The following RCBTB2 variants were observed in gnomAD, a reference collection of about 807,000 sequenced individuals.
RCBTB2 encodes the protein RCC1 and BTB domain-containing protein 2.
RCBTB2 carries 55 observed loss-of-function variants against 65.4 expected under a neutral mutation model. That is an observed-to-expected ratio of 0.84 (90% CI 0.68 to 1.05). The LOEUF (loss-of-function observed/expected upper bound fraction) is 1.05, where lower values mean the gene tolerates loss of function less well. RCBTB2 is among the 50% of genes least tolerant of loss of function. The pLI, the probability that RCBTB2 is intolerant of heterozygous loss-of-function variation, is 0.00. For missense variants in RCBTB2, 599 were observed against 680.1 expected, an observed-to-expected ratio of 0.88 and a Z score of 1.33; for synonymous variants, 220 against 255.2, an observed-to-expected ratio of 0.86 and a Z score of 1.31.
rs1248264384 is a variant in RCBTB2 at position 48,499,771 on chromosome 13, A to G, written c.1245-11T>C. The G allele has an allele frequency of 6.2e-7, 1 of 1,614,104 alleles. No homozygotes were observed. Among genetic ancestry groups the G allele is most frequent in the Non-Finnish European group, 8.5e-7 (1 of 1,179,964 alleles). On this transcript the variant is annotated splice_polypyrimidine_tract_variant and intron_variant, in intron 12 of 14. Coordinates refer to ENST00000344532, the MANE Select transcript of RCBTB2 (RefSeq NM_001268.4). The stretch of plus-strand genomic sequence containing the variant: ...CGAAAATGCTCACATCTGAAGGAAA[A>G]AAGCAGTATGTCAGGTCCTAGCTTC...
At chr13:48,496,427 C>T in intron 13 of RCBTB2, 106 bp from the exon 14 acceptor site, 1 of 1,197,340 alleles carries the variant, frequency 8.4e-7, no homozygotes, top group Non-Finnish European at 1.1e-6. Flanking sequence ...TAGATATAAT[C>T]CTCAGTGAAG....
intron 14 of RCBTB2, chr13:48,491,600 A>C (rs937647421): frequency 6.6e-6 from 1 of 152,202 alleles, no homozygotes. Context: ...CCAGATAGAG[A>C]TGCATCATCT....
rs180677663 is a variant in RCBTB2 at position 48,524,708 on chromosome 13, G to A, written c.-169C>T. On this transcript the variant is annotated 5_prime_UTR_variant, in exon 2 of 15. Coordinates refer to ENST00000344532, the MANE Select transcript of RCBTB2 (RefSeq NM_001268.4). ...CCAGTATTCAGTCATCTTTAATCCTGTTCCTTTTAGATCCTTGTAAAGTTG... is the reference window on the plus strand; with the variant it reads ...CCAGTATTCAGTCATCTTTAATCCTATTCCTTTTAGATCCTTGTAAAGTTG... The A allele has an allele frequency of 1.2e-3, 184 of 152,210 alleles. No homozygotes were observed. The highest frequency in any genetic ancestry group is 4.1e-3 in the African/African-American group (169 of 41,540). The allele number at this position is 152,210 out of a possible 1,614,324, so 9.4% of individuals were successfully genotyped here. A position where few individuals can be genotyped will look rare whatever the true frequency, so the allele number is the denominator to read the frequency against.
chr13:48,500,506 C>T (rs111250183), intron 12 of RCBTB2, among the ~76,000 whole-genome samples: 4 of 151,968 alleles, frequency 2.6e-5, no homozygotes, highest in Admixed American at 6.6e-5. Flanking sequence ...TGCAGTGAGC[C>T]GAGATCAGGC....
intron 7 of RCBTB2, 68 bp downstream of exon 7, chr13:48,512,660 AG>A (rs2138544209): frequency 8.0e-7 from 1 of 1,248,442 alleles, no homozygotes; most frequent in African/African-American, 1.5e-5. Context: ...TTGTATTTCC[AG>A]GACTACTATA....
At chr13:48,526,226 T>C (rs1358285453) in intron 1 of RCBTB2, among the ~76,000 whole-genome samples, 1 of 152,200 alleles carries the variant, frequency 6.6e-6, no homozygotes, top group Non-Finnish European at 1.5e-5. Flanking sequence ...ATAATTTCTT[T>C]AGCCATCTGT....
At chr13:48,499,946 C>T (rs1427074462) in intron 12 of RCBTB2, among the ~76,000 whole-genome samples, 186 bp from the exon 13 acceptor site, 1 of 152,208 alleles carries the variant, frequency 6.6e-6, no homozygotes, top group Non-Finnish European at 1.5e-5. Context: ...AAACCTGCTG[C>T]CAGGGGTGGC....
At chr13:48,533,184 G>A (rs929099065), upstream of RCBTB2, 3 of 364,556 alleles carry the variant, frequency 8.2e-6, no homozygotes, top group Middle Eastern at 8.1e-4. Context: ...AACGAAGGGA[G>A]CGCAGACAAG....
At position 48,515,693 on chromosome 13, in the gene RCBTB2, A is replaced by G; in HGVS notation, c.91T>C (p.Trp31Arg). 1 of 1,614,146 alleles carries G rather than the reference A, an allele frequency of 6.2e-7. No homozygotes were observed. The highest frequency in any genetic ancestry group is 8.5e-7 in the Non-Finnish European group (1 of 1,180,014). ...SSLKMLDVGK[W>R]PIFSLCSEEE... is the part of the protein sequence containing the mutation. ...TCAGAACAAAGGGAAAAAATTGGCCACTTTCCCACATCTAACATCTTCAAA... is the reference window on the plus strand; with the variant it reads ...TCAGAACAAAGGGAAAAAATTGGCCGCTTTCCCACATCTAACATCTTCAAA... The change falls in exon 5 of 15, where the codon TGG (tryptophan) becomes CGG (arginine). Residue 31 changes from tryptophan to arginine, a missense_variant. Physicochemically the swap from Trp to Arg is moderately radical, Grantham distance 101. Coordinates refer to ENST00000344532, the MANE Select transcript of RCBTB2 (RefSeq NM_001268.4).
Position 48,496,218 on chromosome 13 carries a change from G to T in RCBTB2, c.1488C>A (p.Leu496=). The T allele has an allele frequency of 6.4e-7, 1 of 1,572,836 alleles. No individual in the cohort carries two copies. The highest frequency in any genetic ancestry group is 1.2e-5 in the South Asian group (1 of 86,330). Residue 496 remains leucine, a synonymous_variant, in exon 14 of 15, where the codon CTC becomes CTA. Transcript: ENST00000344532. ...GTGCATCATACTTCACCGCAGCCGA[G>T]AGCAGAGCGATGGCATTCTCCTCGC... ...GICEENAIAL[L]SAAVKYDAQD...
chr13:48,504,636 G>T (rs539267021), intron 10 of RCBTB2, among the ~76,000 whole-genome samples: 1 of 152,298 alleles, frequency 6.6e-6, no homozygotes, highest in South Asian at 2.1e-4. Flanking sequence ...TTTCTGGCAG[G>T]CCTAATCACT....
intron 14 of RCBTB2, among the ~76,000 whole-genome samples, chr13:48,491,239 A>T (rs1311447278): frequency 6.6e-6 from 1 of 152,210 alleles, no homozygotes; most frequent in Non-Finnish European, 1.5e-5. Context: ...TGAAGATGGA[A>T]AAAATAAAAA....
chr13:48,525,373 GATATATATATAT>G (rs59350616), intron 1 of RCBTB2, among the ~76,000 whole-genome samples: 5,941 of 54,516 alleles, frequency 0.11, 298 homozygotes, highest in Middle Eastern at 0.16. Flanking sequence ...AAGGATTCAT[GATATATATATAT>G]ATATATATAT....
At chr13:48,499,019 C>A (rs1950102854) in intron 13 of RCBTB2, among the ~76,000 whole-genome samples, 1 of 151,946 alleles carries the variant, frequency 6.6e-6, no homozygotes, top group Non-Finnish European at 1.5e-5. Context: ...TCATCTCACA[C>A]CTGAACCAAT....
chr13:48,499,142 A>ACT (rs568053175), intron 13 of RCBTB2, among the ~76,000 whole-genome samples: 1,929 of 132,266 alleles, frequency 0.015, 22 homozygotes, highest in African/African-American at 0.03. Context: ...ACACACACAC[A>ACT]CTCTCTCTCT....
intron 1 of RCBTB2, among the ~76,000 whole-genome samples, chr13:48,525,577 T>C (rs1951683003): frequency 6.6e-6 from 1 of 151,662 alleles, no homozygotes; most frequent in Non-Finnish European, 1.5e-5. Flanking sequence ...TAAAAGAAAA[T>C]GCTGATCTCA....
At chr13:48,527,334 TATG>T (rs1189357378) in intron 1 of RCBTB2, among the ~76,000 whole-genome samples, 1 of 130,222 alleles carries the variant, frequency 7.7e-6, no homozygotes, top group Admixed American at 7.1e-5. Flanking sequence ...TATATATATA[TATG>T]ATATATATAT....
chr13:48,512,228 A>G (rs1950842105), intron 7 of RCBTB2, 54 bp from the exon 8 acceptor site: 2 of 1,487,654 alleles, frequency 1.3e-6, no homozygotes, highest in South Asian at 2.4e-5. Flanking sequence ...AACTGTCTCA[A>G]CTGGACACTG....
intron 4 of RCBTB2, 102 bp downstream of exon 4, chr13:48,521,796 T>C (rs926564997): frequency 1.7e-4 from 170 of 1,025,094 alleles, no homozygotes; most frequent in Non-Finnish European, 2.1e-4. Flanking sequence ...CAAAGATAGA[T>C]AGTATCTCAT....
Sources: allele counts gnomAD v4.1 joint callset (sites outside exome capture counted in the v4.1 genomes callset), GRCh38; gene constraint gnomAD v4.1.1; transcripts MANE v1.5; gene names NCBI Gene and HGNC (gene_info 2026-07-23, HGNC 2026-07-21).